ADAM28: variants seen among roughly 807,000 people sequenced by gnomAD.
ADAM28 encodes ADAM metallopeptidase domain 28.
ADAM28 carries 105 observed loss-of-function variants against 101.2 expected under a neutral mutation model. The observed-to-expected ratio is 1.04, with a 90% CI of 0.89 to 1.22. The LOEUF is 1.22. ADAM28 is among the 50% of genes most tolerant of loss of function. The pLI is 0.00. For missense variants in ADAM28, 1,028 were observed against 945.4 expected, an observed-to-expected ratio of 1.09 and a Z score of -1.15; for synonymous variants, 322 against 310.6, an observed-to-expected ratio of 1.04 and a Z score of -0.39.
chr8:24,297,656 A>T (rs1808154342), intron 1 of ADAM28, among the ~76,000 whole-genome samples: 1 of 152,230 alleles, frequency 6.6e-6, no homozygotes, highest in Admixed American at 6.5e-5. Flanking sequence ...TGTACCAGGC[A>T]GCACGTGGGT....
At position 24,305,471 on chromosome 8, in the gene ADAM28, TTTTTTTA is replaced by T. The variant is rs1186998940; in HGVS notation, c.151-4422_151-4416del. On this transcript the variant is annotated intron_variant, in intron 2 of 22. Coordinates refer to ENST00000265769, the MANE Select transcript of ADAM28 (RefSeq NM_014265.6). ...GGTTTCTTTTTTTTTTTTTTTTTTT[TTTTTTTA>T]AAATATGTCTTTGCTATGTCTCTAC... Among the ~76,000 whole-genome samples the T allele has an allele frequency of 2.4e-4, 34 of 141,688 alleles. 1 individual carries two copies. The highest frequency in any genetic ancestry group is 4.0e-4 in the East Asian group (2 of 5,062). 93.0% of individuals were successfully genotyped at this position (141,688 alleles called of 152,430 possible).
chr8:24,343,619 G>C, intron 18 of ADAM28, 35 bp downstream of exon 18: 1 of 1,589,454 alleles, frequency 6.3e-7, no homozygotes, highest in African/African-American at 1.3e-5. Context: ...TGAGAAAATT[G>C]CTCTCCTCTT....
chr8:24,303,089 GGTT>G (rs1464033032), intron 2 of ADAM28, among the ~76,000 whole-genome samples: 2 of 151,846 alleles, frequency 1.3e-5, no homozygotes, highest in East Asian at 3.9e-4. Flanking sequence ...TCATTCTGTA[GGTT>G]GTCTGTTCAC....
At chr8:24,335,900 T>C in intron 14 of ADAM28, 1 of 1,164,318 alleles carries the variant, frequency 8.6e-7, no homozygotes, top group East Asian at 3.4e-5. Flanking sequence ...TCAGCATCAG[T>C]ATATCCCATG....
chr8:24,321,997 T>C (rs1811942376), intron 8 of ADAM28, among the ~76,000 whole-genome samples: 2 of 152,054 alleles, frequency 1.3e-5, no homozygotes, highest in African/African-American at 4.8e-5. Context: ...TGTGGTATCC[T>C]ATAAATGCTC....
chr8:24,302,982 A>C (rs1809030638), intron 2 of ADAM28, among the ~76,000 whole-genome samples: 2 of 131,878 alleles, frequency 1.5e-5, no homozygotes, highest in Admixed American at 9.3e-5. Context: ...ATGTGTTCTC[A>C]TTGTTCAGGG....
chr8:24,354,351 A>C (rs1816524873), intron 22 of ADAM28, 33 bp from the exon 23 acceptor site: 4 of 1,509,136 alleles, frequency 2.7e-6, no homozygotes, highest in Non-Finnish European at 3.6e-6. Context: ...TTTTTGAAGA[A>C]AGTTGATCAT....
chr8:24,323,135 C>T (rs974610006), intron 8 of ADAM28, among the ~76,000 whole-genome samples: 6 of 151,870 alleles, frequency 4.0e-5, no homozygotes, highest in African/African-American at 1.2e-4. Flanking sequence ...GATTGTCTTC[C>T]TGGCTTGGAG....
intron 1 of ADAM28, among the ~76,000 whole-genome samples, chr8:24,296,455 T>C (rs1020232023): frequency 2.0e-5 from 3 of 152,172 alleles, no homozygotes; most frequent in Non-Finnish European, 4.4e-5. Flanking sequence ...TGTGTTCAGT[T>C]TGGAAAGAAG....
chr8:24,319,551 C>T (rs77785421), intron 6 of ADAM28, among the ~76,000 whole-genome samples: 3,894 of 151,986 alleles, frequency 0.026, 74 homozygotes, highest in East Asian at 0.092. Context: ...TCTTTGTAAT[C>T]GAACTTTAGT....
At chr8:24,334,599 G>C (rs1454076430) in intron 13 of ADAM28, among the ~76,000 whole-genome samples, 1 of 152,202 alleles carries the variant, frequency 6.6e-6, no homozygotes, top group African/African-American at 2.4e-5. Context: ...GGTTTGTCTG[G>C]TATGTGGTAA....
In ADAM28 at chr8:24,351,233, C is replaced by G. The variant is rs556317287; in HGVS notation, c.2101C>G (p.Pro701Ala). 15 of 1,588,992 alleles carry G rather than the reference C, an allele frequency of 9.4e-6. No individual in the cohort carries two copies. The highest frequency in any genetic ancestry group is 1.3e-5 in the Non-Finnish European group (15 of 1,169,340). Residue 701 changes from proline (P) to alanine (A), a missense_variant and splice_region_variant, in exon 20 of 23, where the codon CCA (proline) becomes GCA (alanine). Physicochemically the swap from Pro to Ala is conservative, Grantham distance 27. Coordinates refer to ENST00000265769, the MANE Select transcript of ADAM28 (RefSeq NM_014265.6). Reference protein sequence around the residue: ...SREKQKKDQRPLSTTGTRPHK... With the variant: ...SREKQKKDQRALSTTGTRPHK... The stretch of plus-strand genomic sequence containing the variant: ...ATATCATGTGTTTCTCTCTTACAGG[C>G]CACTATCTACCACTGGCACCAGGCC...
At position 24,326,779 on chromosome 8, in the gene ADAM28, A is replaced by G. The variant is rs561932075; in HGVS notation, c.972+144A>G. The G allele has an allele frequency of 1.2e-5, 8 of 685,520 alleles. No individual in the cohort carries two copies. In the African/African-American group the frequency reaches 1.5e-4, roughly 13 times the overall value. The allele number at this position is 685,520 out of a possible 1,614,324, so 42.5% of individuals were successfully genotyped here. ...CTGATTGAATTTCAAATGTTGAACT[A>G]ATTTTGCATTCCAGTGTAAACTCAA... On this transcript the variant is annotated intron_variant, in intron 10 of 22. Transcript: ENST00000265769.
rs897699324 is a variant in ADAM28 at position 24,354,538 on chromosome 8, T to C, written c.*134T>C. ...AAGAAGGTTAACATTTTCTGATTCA[T>C]GTTAGACTTTGAAGAGACTAAAGAA... On this transcript the variant is annotated 3_prime_UTR_variant, in exon 23 of 23. Transcript: ENST00000265769. 3.6e-6 allele frequency: 4 copies of C among 1,121,786 alleles called. No homozygotes were observed. The highest frequency in any genetic ancestry group is 1.8e-5 in the South Asian group (1 of 56,862). The allele number at this position is 1,121,786 out of a possible 1,614,324, so 69.5% of individuals were successfully genotyped here.
chr8:24,294,324 C>T, intron 1 of ADAM28, 129 bp downstream of exon 1: 7 of 1,084,128 alleles, frequency 6.5e-6, no homozygotes, highest in Non-Finnish European at 9.4e-6. Context: ...ATCTTACTAA[C>T]CAGTTGGGCT....
In ADAM28 at chr8:24,339,374, C is replaced by T. The variant is rs1814482223; in HGVS notation, c.1568-92C>T. The stretch of plus-strand genomic sequence containing the variant: ...GTTTTATATTTTATAAATCGCTTTC[C>T]AGCACTGAATCTTTAAAATCTTTTA... On this transcript the variant is annotated intron_variant, in intron 14 of 22. Coordinates refer to ENST00000265769, the MANE Select transcript of ADAM28 (RefSeq NM_014265.6). The T allele has an allele frequency of 4.1e-5, 39 of 959,666 alleles. No homozygotes were observed. The South Asian group carries it at 5.3e-4, about 13-fold the overall frequency. The allele number at this position is 959,666 out of a possible 1,614,324, so 59.4% of individuals were successfully genotyped here.
At chr8:24,350,877 T>TGG (rs781139500) in intron 19 of ADAM28, among the ~76,000 whole-genome samples, 64,068 of 139,038 alleles carry the variant, frequency 0.46, 15,294 homozygotes, top group Admixed American at 0.55. Context: ...TTTTTTTTTT[T>TGG]TTTTTTTTTT....
chr8:24,340,935 T>C (rs922032644), intron 15 of ADAM28: 4 of 152,208 alleles, frequency 2.6e-5, no homozygotes, highest in Non-Finnish European at 5.9e-5. Context: ...GAGTGAGTGT[T>C]GAGCAGTTTA....
rs1430862551 is a variant in ADAM28, at chr8:24,358,155, C to T, written c.*3751C>T. The T allele has an allele frequency of 6.6e-6, 1 of 152,192 alleles. No individual in the cohort carries two copies. The highest frequency in any genetic ancestry group is 6.5e-5 in the Admixed American group (1 of 15,272). 9.4% of individuals were successfully genotyped at this position (152,192 alleles called of 1,614,324 possible). A position where few individuals can be genotyped will look rare whatever the true frequency, so the allele number is the denominator to read the frequency against. ...AAAATGTGTATAAACTTTATTACTGCTTCCCACAGTAAATATTTTTCAGAA... is the reference window on the plus strand; with the variant it reads ...AAAATGTGTATAAACTTTATTACTGTTTCCCACAGTAAATATTTTTCAGAA... On this transcript the variant is annotated 3_prime_UTR_variant, in exon 23 of 23. Transcript: ENST00000265769.
Sources: allele counts gnomAD v4.1 joint callset (sites outside exome capture counted in the v4.1 genomes callset), GRCh38; gene constraint gnomAD v4.1.1; transcripts MANE v1.5; gene names NCBI Gene and HGNC (gene_info 2026-07-23, HGNC 2026-07-21).